NINL: variants seen among roughly 807,000 people sequenced by gnomAD.
NINL encodes the protein ninein like, also known as ninein-like protein.
Under a neutral mutation model 160.3 loss-of-function variants are expected in NINL, and 153 were observed. That is an observed-to-expected ratio of 0.95 (90% CI 0.84 to 1.09). The LOEUF (loss-of-function observed/expected upper bound fraction) is 1.09, where lower values mean the gene tolerates loss of function less well. Among genes scored for constraint, NINL ranks in the 50% least tolerant of loss-of-function variants. NINL has a pLI of 0.00. For synonymous variants in NINL, 800 were observed against 734.8 expected (o/e 1.09, Z -1.43); for missense variants, 1,829 against 1,764.0 (o/e 1.04, Z -0.66).
rs2062943119 is a variant in NINL, at chr20:25,467,436, T to C, written c.3376A>G (p.Lys1126Glu). The change falls in exon 19 of 24, where the codon AAA (lysine) becomes GAA (glutamate). Residue 1126 changes from lysine to glutamate, a missense_variant. Transcript: ENST00000278886. ...TCAGAGCAGGCCTTTTCCTTGTCTTTCTTTAAAACCTCAATTTCCTTCCTG... is the reference window on the plus strand; with the variant it reads ...TCAGAGCAGGCCTTTTCCTTGTCTTCCTTTAAAACCTCAATTTCCTTCCTG... ...AQRKEIEVLKKDKEKACSEME... is the reference protein window; with the variant it reads ...AQRKEIEVLKEDKEKACSEME... The C allele has an allele frequency of 4.3e-6, 7 of 1,613,948 alleles. No individual in the cohort carries two copies. The highest frequency in any genetic ancestry group is 1.3e-5 in the African/African-American group (1 of 74,936).
intron 10 of NINL, among the ~76,000 whole-genome samples, chr20:25,495,730 C>T (rs1363858828): frequency 1.3e-5 from 2 of 152,242 alleles, no homozygotes; most frequent in Non-Finnish European, 2.9e-5. Context: ...CAGACATGTG[C>T]CCCACCAATG....
intron 23 of NINL, among the ~76,000 whole-genome samples, chr20:25,454,640 G>C (rs562263755): frequency 6.6e-6 from 1 of 152,262 alleles, no homozygotes; most frequent in Admixed American, 6.5e-5. Flanking sequence ...TACTTCTCCA[G>C]GTTTTCATAT....
At chr20:25,502,677 T>C (rs2063891372) in intron 7 of NINL, among the ~76,000 whole-genome samples, 2 of 152,182 alleles carry the variant, frequency 1.3e-5, no homozygotes, top group Non-Finnish European at 2.9e-5. Flanking sequence ...TCCCTCTTAG[T>C]ACTGACCTCA....
At chr20:25,545,103 T>G (rs970535547) in intron 1 of NINL, among the ~76,000 whole-genome samples, 2 of 152,208 alleles carry the variant, frequency 1.3e-5, no homozygotes, top group Non-Finnish European at 2.9e-5. Flanking sequence ...AGAGGTTTTC[T>G]GGAGGTTTAG....
intron 1 of NINL, 132 bp downstream of exon 1, chr20:25,585,323 G>A (rs1262581168): frequency 6.6e-6 from 1 of 152,302 alleles, no homozygotes; most frequent in Non-Finnish European, 1.5e-5. Context: ...CCCGCACCGC[G>A]AGGAGCACCC....
intron 1 of NINL, among the ~76,000 whole-genome samples, chr20:25,564,413 G>C (rs984960148): frequency 6.6e-6 from 1 of 152,132 alleles, no homozygotes; most frequent in Non-Finnish European, 1.5e-5. Flanking sequence ...CACCTCTTGG[G>C]TTCAACCCAT....
intron 10 of NINL, among the ~76,000 whole-genome samples, chr20:25,494,437 C>T (rs1052686262): frequency 2.0e-5 from 3 of 151,972 alleles, no homozygotes; most frequent in Middle Eastern, 3.4e-3. Context: ...TACCTGAGGT[C>T]CCATGAACGC....
At position 25,489,293 on chromosome 20, in the gene NINL, T is replaced by A; in HGVS notation, c.1628A>T (p.Gln543Leu). 6.2e-7 allele frequency: 1 copy of A among 1,614,046 alleles called. No individual in the cohort carries two copies. The highest frequency in any genetic ancestry group is 1.3e-5 in the African/African-American group (1 of 75,026). Residue 543 changes from glutamine (Q) to leucine (L), a missense_variant, in exon 13 of 24, where the codon CAG (glutamine) becomes CTG (leucine). Physicochemically the swap from Gln to Leu is moderately radical, Grantham distance 113. Coordinates refer to ENST00000278886, the MANE Select transcript of NINL (RefSeq NM_025176.6). ...LEPQSAELLA[Q>L]EERFAAVLKE... Reference sequence around the variant, plus strand: ...CAGGACTGCTGCGAACCGCTCCTCCTGGGCCAGGAGCTCTGCACTCTGTGG... The same window carrying A: ...CAGGACTGCTGCGAACCGCTCCTCCAGGGCCAGGAGCTCTGCACTCTGTGG...
chr20:25,525,299 T>C (rs1223172799), intron 2 of NINL, among the ~76,000 whole-genome samples: 1 of 152,250 alleles, frequency 6.6e-6, no homozygotes, highest in Non-Finnish European at 1.5e-5. Context: ...CTTCATTTGT[T>C]TTGGCCCAAG....
intron 1 of NINL, among the ~76,000 whole-genome samples, chr20:25,552,853 T>C (rs1464649524): frequency 6.6e-6 from 1 of 152,252 alleles, no homozygotes; most frequent in Non-Finnish European, 1.5e-5. Context: ...GAGCCGAGCC[T>C]ATCTGCGAAG....
chr20:25,570,670 T>C (rs1321927306), intron 1 of NINL, among the ~76,000 whole-genome samples: 1 of 150,404 alleles, frequency 6.6e-6, no homozygotes, highest in Non-Finnish European at 1.5e-5. Flanking sequence ...TTTTCCAAAA[T>C]GTCAGAGATC....
chr20:25,575,843 C>G (rs190426425), intron 1 of NINL, among the ~76,000 whole-genome samples: 2 of 152,162 alleles, frequency 1.3e-5, no homozygotes, highest in African/African-American at 4.8e-5. Flanking sequence ...CCTGTTTCCA[C>G]TTTTCCCCTT....
chr20:25,543,429 T>G (rs1262964534), intron 1 of NINL, among the ~76,000 whole-genome samples: 1 of 152,142 alleles, frequency 6.6e-6, no homozygotes, highest in African/African-American at 2.4e-5. Flanking sequence ...TTTGTGCCTG[T>G]AGTCCCAGCT....
intron 21 of NINL, among the ~76,000 whole-genome samples, chr20:25,460,672 C>G (rs1474542238): frequency 6.6e-6 from 1 of 152,210 alleles, no homozygotes; most frequent in Admixed American, 6.5e-5. Context: ...GGAGCCCCAA[C>G]AGCGCCTCAG....
At chr20:25,539,141 G>A (rs1184222352) in intron 1 of NINL, among the ~76,000 whole-genome samples, 1 of 152,222 alleles carries the variant, frequency 6.6e-6, no homozygotes, top group Non-Finnish European at 1.5e-5. Flanking sequence ...CTGCAGCACA[G>A]TTGTGTGCAC....
chr20:25,456,241 C>CAAAAAAAAAA (rs34657031), intron 22 of NINL, among the ~76,000 whole-genome samples: 1 of 40,698 alleles, frequency 2.5e-5, no homozygotes, highest in African/African-American at 1.0e-4. Flanking sequence ...GACTCCATCT[C>CAAAAAAAAAA]AAAAAAAAAA....
intron 1 of NINL, among the ~76,000 whole-genome samples, chr20:25,567,040 A>T (rs1229095665): frequency 6.6e-6 from 1 of 152,006 alleles, no homozygotes; most frequent in Non-Finnish European, 1.5e-5. Flanking sequence ...CAGGAGTTTG[A>T]GGCTGCAGTG....
intron 9 of NINL, among the ~76,000 whole-genome samples, chr20:25,497,933 C>T (rs915114561): frequency 2.0e-5 from 3 of 152,088 alleles, no homozygotes; most frequent in Non-Finnish European, 2.9e-5. Context: ...TAGACTCAGA[C>T]GGCACAGGTC....
Position 25,476,065 on chromosome 20 carries a change from C to T in NINL, c.3226G>A (p.Val1076Ile). ...EDVVRALEKH[V>I]DLRENDRLEF... The stretch of plus-strand genomic sequence containing the variant: ...AACCTGTCGTTCTCTCTCAAATCTA[C>T]ATGTTTCTCCAGAGCCCGGACGACG... Residue 1076 changes from valine to isoleucine, a missense_variant, in exon 17 of 24, where the codon GTA becomes ATA. Transcript: ENST00000278886. The T allele has an allele frequency of 6.2e-7, 1 of 1,613,322 alleles. No individual in the cohort carries two copies. The highest frequency in any genetic ancestry group is 8.5e-7 in the Non-Finnish European group (1 of 1,179,478).
Sources: allele counts gnomAD v4.1 joint callset (sites outside exome capture counted in the v4.1 genomes callset), GRCh38; gene constraint gnomAD v4.1.1; transcripts MANE v1.5; gene names NCBI Gene and HGNC (gene_info 2026-07-23, HGNC 2026-07-21).